Variants in TBX20 observed in about 807,000 individuals in gnomAD.
TBX20 encodes T-box transcription factor TBX20.
A neutral mutation model predicts 42.9 loss-of-function variants in TBX20; 8 were observed. That is an observed-to-expected ratio of 0.19 (90% CI 0.11 to 0.34). The LOEUF is 0.34. Ranked by LOEUF, TBX20 falls within the 10% of genes least tolerant of loss-of-function variation. The pLI is 1.00. For synonymous variants in TBX20, 198 were observed against 222.8 expected (o/e 0.89, Z 0.99); for missense variants, 411 against 566.0 (o/e 0.73, Z 2.78).
chr7:35,223,685 G>A (rs1313248240), intron 6 of TBX20, among the ~76,000 whole-genome samples: 5 of 152,184 alleles, frequency 3.3e-5, no homozygotes, highest in Non-Finnish European at 7.3e-5. Context: ...TTAGCAATGA[G>A]GAGGTCACTG....
At chr7:35,216,356 T>C (rs145686728) in intron 6 of TBX20, among the ~76,000 whole-genome samples, 12,514 of 152,096 alleles carry the variant, frequency 0.082, 731 homozygotes, top group Admixed American at 0.19. Flanking sequence ...GGAGCAAGTC[T>C]GCATATCTTG....
At chr7:35,236,725 C>T (rs1179880141) in intron 5 of TBX20, among the ~76,000 whole-genome samples, 1 of 152,032 alleles carries the variant, frequency 6.6e-6, no homozygotes, top group African/African-American at 2.4e-5. Flanking sequence ...TTTGTGCAAG[C>T]GGCTATGGTT....
chr7:35,203,128 G>A (rs956250801), intron 7 of TBX20, among the ~76,000 whole-genome samples: 1 of 152,074 alleles, frequency 6.6e-6, no homozygotes, highest in African/African-American at 2.4e-5. Flanking sequence ...GTGTCCTAAG[G>A]AAGGCTGAAT....
At chr7:35,206,389 A>G (rs967275258) in intron 6 of TBX20, among the ~76,000 whole-genome samples, 2 of 152,190 alleles carry the variant, frequency 1.3e-5, no homozygotes, top group African/African-American at 4.8e-5. Context: ...CTCTATTAAA[A>G]ATACAAAAAT....
At chr7:35,229,172 CA>C (rs1789826667) in intron 6 of TBX20, among the ~76,000 whole-genome samples, 1 of 152,100 alleles carries the variant, frequency 6.6e-6, no homozygotes, top group South Asian at 2.1e-4. Context: ...ACATCATATT[CA>C]ATTAGGTTAG....
intron 1 of TBX20, among the ~76,000 whole-genome samples, chr7:35,251,580 C>T (rs779593852): frequency 2.6e-5 from 4 of 152,024 alleles, no homozygotes; most frequent in Non-Finnish European, 4.4e-5. Flanking sequence ...GTGTTAATGA[C>T]TTTTTTTTCT....
At chr7:35,227,597 C>T (rs1379378668) in intron 6 of TBX20, among the ~76,000 whole-genome samples, 6 of 152,200 alleles carry the variant, frequency 3.9e-5, no homozygotes, top group East Asian at 1.9e-4. Flanking sequence ...AAATAGCCTA[C>T]GTGTGTAGTA....
At chr7:35,240,514 G>A (rs2908053) in intron 5 of TBX20, among the ~76,000 whole-genome samples, 2 of 152,178 alleles carry the variant, frequency 1.3e-5, no homozygotes, top group African/African-American at 4.8e-5. Flanking sequence ...GTGTTTAATT[G>A]AGCAGAGAAA....
At chr7:35,209,092 G>A (rs542124939) in intron 6 of TBX20, among the ~76,000 whole-genome samples, 6 of 151,934 alleles carry the variant, frequency 3.9e-5, no homozygotes, top group African/African-American at 4.8e-5. Flanking sequence ...ACATATTATC[G>A]TTTTTTTAAT....
At chr7:35,224,917 T>A (rs926612323) in intron 6 of TBX20, among the ~76,000 whole-genome samples, 1 of 151,778 alleles carries the variant, frequency 6.6e-6, no homozygotes, top group African/African-American at 2.4e-5. Flanking sequence ...ATGCAATGAA[T>A]CAAGAACAAG....
chr7:35,217,778 TG>T (rs1315569940), intron 6 of TBX20, among the ~76,000 whole-genome samples: 1 of 152,178 alleles, frequency 6.6e-6, no homozygotes, highest in African/African-American at 2.4e-5. Context: ...TGGAGTGCAA[TG>T]GAACGATCTT....
At chr7:35,223,168 A>ATCCTTCCC (rs1789712282) in intron 6 of TBX20, among the ~76,000 whole-genome samples, 3 of 152,190 alleles carry the variant, frequency 2.0e-5, no homozygotes, top group African/African-American at 7.2e-5. Context: ...AGATGACTAC[A>ATCCTTCCC]AGTTTTTCGG....
At chr7:35,210,644 T>C (rs1421166243) in intron 6 of TBX20, among the ~76,000 whole-genome samples, 15 of 152,200 alleles carry the variant, frequency 9.9e-5, no homozygotes, top group Non-Finnish European at 2.1e-4. Context: ...TCTTTATTAG[T>C]ATGAAATTAT....
chr7:35,219,169 C>T (rs1456361655), intron 6 of TBX20, among the ~76,000 whole-genome samples: 1 of 152,136 alleles, frequency 6.6e-6, no homozygotes, highest in East Asian at 1.9e-4. Context: ...CTAGTCTGCT[C>T]TGTGACTCCT....
chr7:35,229,746 G>A (rs1789836346), intron 6 of TBX20, among the ~76,000 whole-genome samples: 1 of 152,088 alleles, frequency 6.6e-6, no homozygotes, highest in African/African-American at 2.4e-5. Context: ...AGAGTTACAT[G>A]GGATAAAAGT....
rs189221819 is a variant in TBX20, at chr7:35,232,974, C to T, written c.814-1394G>A. The stretch of plus-strand genomic sequence containing the variant: ...GGCAGAGGTTGCAGTGAGCCGAGAT[C>T]GCGCCACTGCACTCCAGCCTGGGCG... On this transcript the variant is annotated intron_variant, in intron 5 of 7. Transcript: ENST00000408931. Among the ~76,000 whole-genome samples, 20 of 152,258 alleles carry T rather than the reference C, an allele frequency of 1.3e-4. No individual in the cohort carries two copies. The East Asian group carries it at 3.7e-3, about 28-fold the overall frequency.
intron 6 of TBX20, among the ~76,000 whole-genome samples, chr7:35,208,934 G>C (rs1789449299): frequency 1.3e-5 from 2 of 151,970 alleles, no homozygotes; most frequent in African/African-American, 2.4e-5. Flanking sequence ...TTCAAGAATA[G>C]AGGTTGAATT....
At chr7:35,248,461 ATAAACT>A (rs1221978519) in intron 3 of TBX20, among the ~76,000 whole-genome samples, 4 of 152,240 alleles carry the variant, frequency 2.6e-5, no homozygotes, top group Non-Finnish European at 5.9e-5. Flanking sequence ...CTAACGAAAC[ATAAACT>A]TAAAGACAGT....
At chr7:35,240,840 T>G in intron 5 of TBX20, 39 bp downstream of exon 5, 1 of 1,591,252 alleles carries the variant, frequency 6.3e-7, no homozygotes, top group Non-Finnish European at 8.6e-7. Flanking sequence ...CCTAAATCCT[T>G]CTCTTATGCA....
Sources: gnomAD v4.1 joint callset for allele counts (sites outside exome capture counted in the v4.1 genomes callset) on GRCh38, gnomAD v4.1.1 for gene constraint, MANE v1.5 for transcripts, NCBI Gene and HGNC (gene_info 2026-07-23, HGNC 2026-07-21) for gene names.